COMMD10: variants seen among roughly 807,000 people sequenced by gnomAD.
COMMD10 encodes COMM domain containing 10, also known as COMM domain-containing protein 10.
A neutral mutation model predicts 28.9 loss-of-function variants in COMMD10; 33 were observed. That is an observed-to-expected ratio of 1.14 (90% CI 0.87 to 1.53). The LOEUF (loss-of-function observed/expected upper bound fraction) is 1.53. Among genes scored for constraint, COMMD10 ranks in the 40% most tolerant of loss-of-function variants. The pLI is 0.00. For missense variants in COMMD10, 310 were observed against 233.4 expected, an observed-to-expected ratio of 1.33 and a Z score of -2.14; for synonymous variants, 110 against 81.7, an observed-to-expected ratio of 1.35 and a Z score of -1.87.
intron 5 of COMMD10, among the ~76,000 whole-genome samples, chr5:116,223,938 T>A (rs1036354085): frequency 6.6e-6 from 1 of 152,214 alleles, no homozygotes; most frequent in Admixed American, 6.5e-5. Context: ...ATGTGCTGAA[T>A]TCATTTTATA....
chr5:116,120,273 G>A (rs147583685), intron 4 of COMMD10, among the ~76,000 whole-genome samples: 80 of 152,168 alleles, frequency 5.3e-4, no homozygotes, highest in African/African-American at 1.7e-3. Context: ...AATATCTTAC[G>A]TTCTCCCTTA....
Position 116,222,937 on chromosome 5 carries a change from C to A in COMMD10, c.511-68580C>A, listed in dbSNP as rs907278638. 1.8e-4 allele frequency among the ~76,000 whole-genome samples: 28 copies of A among 152,114 alleles called. 1 individual carries two copies. Among genetic ancestry groups the A allele is most frequent in the Admixed American group, 1.6e-3 (25 of 15,270 alleles). ...TGAACACCTGACCTTGTGATCCACCCACCTCAGCCTCCAAAGTGCTGGGAT... is the reference window on the plus strand; with the variant it reads ...TGAACACCTGACCTTGTGATCCACCAACCTCAGCCTCCAAAGTGCTGGGAT... On this transcript the variant is annotated intron_variant, in intron 5 of 6. Transcript: ENST00000274458.
intron 4 of COMMD10, among the ~76,000 whole-genome samples, chr5:116,100,744 C>T (rs180972513): frequency 1.3e-5 from 2 of 151,764 alleles, no homozygotes; most frequent in Admixed American, 6.6e-5. Flanking sequence ...AATTTCATCT[C>T]ATCTCACTTT....
At chr5:116,228,696 A>C (rs1749456443) in intron 5 of COMMD10, among the ~76,000 whole-genome samples, 1 of 152,010 alleles carries the variant, frequency 6.6e-6, no homozygotes, top group African/African-American at 2.4e-5. Context: ...AATGAAAATT[A>C]AGTCTGGATT....
chr5:116,149,375 G>A (rs1331092191), intron 5 of COMMD10, among the ~76,000 whole-genome samples: 4 of 145,710 alleles, frequency 2.7e-5, no homozygotes, highest in East Asian at 2.0e-4. Context: ...ATACCGAGTA[G>A]TGGGATGGCT....
intron 5 of COMMD10, among the ~76,000 whole-genome samples, chr5:116,223,636 G>C (rs142395749): frequency 6.6e-6 from 1 of 152,176 alleles, no homozygotes; most frequent in Non-Finnish European, 1.5e-5. Context: ...AGGTGAGACC[G>C]TAAGGTTGAG....
chr5:116,238,271 G>C (rs1472517606), intron 5 of COMMD10, among the ~76,000 whole-genome samples: 1 of 151,898 alleles, frequency 6.6e-6, no homozygotes, highest in Non-Finnish European at 1.5e-5. Context: ...ATTGGTGACA[G>C]AAAAACTGCA....
chr5:116,124,888 C>CGTT (rs1751568974), intron 4 of COMMD10, among the ~76,000 whole-genome samples: 1 of 151,846 alleles, frequency 6.6e-6, no homozygotes, highest in African/African-American at 2.4e-5. Flanking sequence ...GGATTGCAAC[C>CGTT]CCTCCTTTAT....
chr5:116,267,997 T>C (rs1372929246), intron 5 of COMMD10, among the ~76,000 whole-genome samples: 1 of 151,718 alleles, frequency 6.6e-6, no homozygotes, highest in Non-Finnish European at 1.5e-5. Flanking sequence ...ATAAAAACCC[T>C]AGAAGAAAAC....
chr5:116,277,973 T>C (rs992854814), intron 5 of COMMD10, among the ~76,000 whole-genome samples: 1 of 151,862 alleles, frequency 6.6e-6, no homozygotes, highest in Non-Finnish European at 1.5e-5. Context: ...TAAATTTGAA[T>C]GTTGAGATCA....
chr5:116,174,395 T>G lies in COMMD10; in HGVS notation c.510+40217T>G, dbSNP rs141601909. 2.0e-3 allele frequency among the ~76,000 whole-genome samples: 303 copies of G among 152,244 alleles called. 2 individuals are homozygous for G. Among genetic ancestry groups the G allele is most frequent in the African/African-American group, 6.9e-3 (288 of 41,566 alleles). On this transcript the variant is annotated intron_variant, in intron 5 of 6. Coordinates refer to ENST00000274458, the MANE Select transcript of COMMD10 (RefSeq NM_016144.4). Reference sequence around the variant, plus strand: ...TTGCCTTATAGGACTTGGTAAAGACTTTGAATTTTCCTCAAAATGGAGGAT... The same window carrying G: ...TTGCCTTATAGGACTTGGTAAAGACGTTGAATTTTCCTCAAAATGGAGGAT...
At chr5:116,260,343 T>C (rs1296764066) in intron 5 of COMMD10, among the ~76,000 whole-genome samples, 1 of 151,866 alleles carries the variant, frequency 6.6e-6, no homozygotes, top group East Asian at 1.9e-4. Context: ...CTAATGACTT[T>C]GGAGAAATTT....
intron 5 of COMMD10, among the ~76,000 whole-genome samples, chr5:116,283,192 A>T (rs76112204): frequency 0.073 from 11,137 of 151,898 alleles, 521 homozygotes; most frequent in Admixed American, 0.13. Context: ...TCCTACAAAA[A>T]CAACCATTCT....
intron 4 of COMMD10, among the ~76,000 whole-genome samples, chr5:116,119,857 T>C (rs538825842): frequency 8.9e-4 from 135 of 152,114 alleles, no homozygotes; most frequent in Non-Finnish European, 1.6e-3. Context: ...CTCAAGCAAT[T>C]GGTCCCCCTG....
chr5:116,138,185 T>C (rs999660817), intron 5 of COMMD10, among the ~76,000 whole-genome samples: 7 of 151,880 alleles, frequency 4.6e-5, no homozygotes, highest in African/African-American at 1.4e-4. Context: ...AACAAATAAA[T>C]GAAATCATCA....
At chr5:116,089,684 G>C (rs1750234532) in intron 2 of COMMD10, among the ~76,000 whole-genome samples, 1 of 152,206 alleles carries the variant, frequency 6.6e-6, no homozygotes, top group African/African-American at 2.4e-5. Context: ...ATCAGAGGTA[G>C]GGGAGTGGAG....
chr5:116,234,744 A>G (rs1749616404), intron 5 of COMMD10, among the ~76,000 whole-genome samples: 1 of 152,170 alleles, frequency 6.6e-6, no homozygotes, highest in Non-Finnish European at 1.5e-5. Context: ...AAAAACATCC[A>G]ATTGGATAAT....
intron 5 of COMMD10, among the ~76,000 whole-genome samples, chr5:116,167,618 A>G (rs918426242): frequency 3.9e-5 from 6 of 152,182 alleles, no homozygotes. Context: ...AGCCCATCAG[A>G]CTAACAGCGG....
At chr5:116,118,378 C>T (rs1224468982) in intron 4 of COMMD10, among the ~76,000 whole-genome samples, 1 of 152,100 alleles carries the variant, frequency 6.6e-6, no homozygotes, top group African/African-American at 2.4e-5. Context: ...CTGTTATTTT[C>T]ACTACTTTTG....
Sources: allele counts gnomAD v4.1 joint callset (sites outside exome capture counted in the v4.1 genomes callset), GRCh38; gene constraint gnomAD v4.1.1; transcripts MANE v1.5; gene names NCBI Gene and HGNC (gene_info 2026-07-23, HGNC 2026-07-21).